Variants in SV2C observed in about 807,000 individuals in gnomAD.
The protein encoded by SV2C is synaptic vesicle glycoprotein 2C.
A neutral mutation model predicts 79.7 loss-of-function variants in SV2C; 49 were observed. The observed-to-expected ratio is 0.61, with a 90% CI of 0.49 to 0.78. SV2C has a LOEUF of 0.78. Among genes scored for constraint, SV2C ranks in the 30% least tolerant of loss-of-function variants. The pLI, the probability that SV2C is intolerant of heterozygous loss-of-function variation, is 0.00. For synonymous variants in SV2C, 334 were observed against 333.2 expected, an observed-to-expected ratio of 1.00 and a Z score of -0.03; for missense variants, 833 against 912.9, an observed-to-expected ratio of 0.91 and a Z score of 1.13.
At chr5:76,164,027 C>A (rs954162067) in intron 2 of SV2C, among the ~76,000 whole-genome samples, 1 of 152,150 alleles carries the variant, frequency 6.6e-6, no homozygotes, top group Non-Finnish European at 1.5e-5. Flanking sequence ...ATACTTTCAC[C>A]CTACTGTCTT....
the SV2C span, among the ~76,000 whole-genome samples, chr5:75,947,013 G>A: frequency 6.6e-6 from 1 of 152,098 alleles, no homozygotes; most frequent in East Asian, 1.9e-4. Flanking sequence ...GGCTGAGTCT[G>A]GTCAGTGACC....
At chr5:76,014,316 A>C in the SV2C span, among the ~76,000 whole-genome samples, 1 of 152,094 alleles carries the variant, frequency 6.6e-6, no homozygotes, top group African/African-American at 2.4e-5. Context: ...GAAAGGAAAG[A>C]AAGAAAGAGA....
At chr5:75,984,567 A>ATCTATCTATC in the SV2C span, among the ~76,000 whole-genome samples, 888 of 102,892 alleles carry the variant, frequency 8.6e-3, 6 homozygotes, top group South Asian at 0.017. Flanking sequence ...CTATCTATCT[A>ATCTATCTATC]TATCTATCTA....
chr5:76,140,674 A>AGAG (rs752686293), intron 2 of SV2C, among the ~76,000 whole-genome samples: 8 of 151,848 alleles, frequency 5.3e-5, no homozygotes, highest in Non-Finnish European at 1.2e-4. Flanking sequence ...AGAGGGACAC[A>AGAG]GAGTTTTTCC....
the SV2C span, among the ~76,000 whole-genome samples, chr5:75,963,740 G>A: frequency 6.6e-6 from 1 of 151,900 alleles, no homozygotes; most frequent in African/African-American, 2.4e-5. Flanking sequence ...TATTTTCTTT[G>A]GTACTTTCCT....
intron 3 of SV2C, among the ~76,000 whole-genome samples, chr5:76,201,305 A>T (rs1004192528): frequency 6.6e-6 from 1 of 152,186 alleles, no homozygotes; most frequent in East Asian, 1.9e-4. Context: ...TTTGACCCAG[A>T]ATTAAATTAT....
the SV2C span, among the ~76,000 whole-genome samples, chr5:75,994,547 A>T: frequency 6.6e-6 from 1 of 152,154 alleles, no homozygotes; most frequent in African/African-American, 2.4e-5. Flanking sequence ...GAAGGAGAAG[A>T]TCTCTCTCTA....
At chr5:75,858,463 A>G in the SV2C span, among the ~76,000 whole-genome samples, 2 of 152,216 alleles carry the variant, frequency 1.3e-5, no homozygotes, top group Non-Finnish European at 2.9e-5. Flanking sequence ...CCACTTGGTC[A>G]TGATGAATGA....
chr5:75,943,564 C>T, the SV2C span, among the ~76,000 whole-genome samples: 1 of 152,156 alleles, frequency 6.6e-6, no homozygotes, highest in African/African-American at 2.4e-5. Context: ...GCTCCCAAAT[C>T]ACAAAGCCAT....
chr5:75,946,952 A>G, the SV2C span, among the ~76,000 whole-genome samples: 1 of 152,076 alleles, frequency 6.6e-6, no homozygotes, highest in East Asian at 1.9e-4. Flanking sequence ...TTACTGTTTT[A>G]TTTTTGCATT....
chr5:76,224,533 A>G (rs1745184173), intron 4 of SV2C, among the ~76,000 whole-genome samples: 1 of 152,162 alleles, frequency 6.6e-6, no homozygotes, highest in African/African-American at 2.4e-5. Flanking sequence ...AGGGACATAA[A>G]AATCGCCATC....
the SV2C span, among the ~76,000 whole-genome samples, chr5:75,956,038 A>G: frequency 2.1e-5 from 3 of 144,404 alleles, no homozygotes; most frequent in Non-Finnish European, 4.6e-5. Context: ...CAGCCATCCC[A>G]TTACTGGGTA....
At chr5:75,903,861 C>A in the SV2C span, among the ~76,000 whole-genome samples, 1 of 152,208 alleles carries the variant, frequency 6.6e-6, no homozygotes, top group African/African-American at 2.4e-5. Context: ...ATATTATTCT[C>A]ATGGCAGAAT....
the SV2C span, among the ~76,000 whole-genome samples, chr5:75,868,669 G>T: frequency 2.0e-5 from 3 of 152,152 alleles, no homozygotes; most frequent in Non-Finnish European, 4.4e-5. Flanking sequence ...TAAGCTGAGG[G>T]TGGTGACATA....
At chr5:76,215,401 G>A (rs1401784510) in intron 4 of SV2C, among the ~76,000 whole-genome samples, 6 of 152,124 alleles carry the variant, frequency 3.9e-5, no homozygotes, top group Admixed American at 1.3e-4. Context: ...TTTCATCCAC[G>A]CAAAAACACT....
chr5:76,006,194 T>A, the SV2C span, among the ~76,000 whole-genome samples: 3 of 152,104 alleles, frequency 2.0e-5, no homozygotes, highest in African/African-American at 7.2e-5. Flanking sequence ...TAATAAGAAG[T>A]GACTGTCTGC....
At chr5:76,150,406 G>A (rs544021376) in intron 2 of SV2C, among the ~76,000 whole-genome samples, 1 of 152,012 alleles carries the variant, frequency 6.6e-6, no homozygotes, top group South Asian at 2.1e-4. Context: ...TCAATCTCTC[G>A]ACCTCATGAT....
At chr5:76,226,459 C>T (rs890762511) in intron 4 of SV2C, among the ~76,000 whole-genome samples, 2 of 152,026 alleles carry the variant, frequency 1.3e-5, no homozygotes, top group Non-Finnish European at 1.5e-5. Flanking sequence ...AAAAAAAAGG[C>T]AAAATTCTGG....
chr5:76,032,103 G>A, the SV2C span, among the ~76,000 whole-genome samples: 1 of 152,160 alleles, frequency 6.6e-6, no homozygotes, highest in African/African-American at 2.4e-5. Flanking sequence ...TGGAGTATAA[G>A]CACAGATTAT....
Sources: allele counts gnomAD v4.1 joint callset (sites outside exome capture counted in the v4.1 genomes callset), GRCh38; gene constraint gnomAD v4.1.1; transcripts MANE v1.5; gene names NCBI Gene and HGNC (gene_info 2026-07-23, HGNC 2026-07-21).